PMFBP1: variants seen among roughly 807,000 people sequenced by gnomAD.
The protein encoded by PMFBP1 is polyamine-modulated factor 1-binding protein 1.
In PMFBP1, 131 loss-of-function variants were observed where a neutral mutation model predicts 137.8. The ratio of observed to expected loss-of-function variants is 0.95; its 90% CI spans 0.82 to 1.10. PMFBP1 has a LOEUF of 1.10. Ranked by LOEUF, PMFBP1 falls within the 50% of genes least tolerant of loss-of-function variation. PMFBP1 has a pLI of 0.00. For missense variants in PMFBP1, 1,199 were observed against 1,175.4 expected (o/e 1.02, Z -0.29); for synonymous variants, 490 against 450.4 (o/e 1.09, Z -1.11).
chr16:72,236,655 A>AAAAAC, the PMFBP1 span, among the ~76,000 whole-genome samples: 5 of 152,088 alleles, frequency 3.3e-5, no homozygotes, highest in African/African-American at 9.7e-5. Flanking sequence ...ACTTTGGGGG[A>AAAAAC]AAAACAAAAC....
At chr16:72,182,185 A>G in the PMFBP1 span, among the ~76,000 whole-genome samples, 3 of 152,156 alleles carry the variant, frequency 2.0e-5, no homozygotes, top group South Asian at 6.2e-4. Context: ...CAGGTATTCT[A>G]GAAGAGAGGT....
the PMFBP1 span, among the ~76,000 whole-genome samples, chr16:72,188,773 G>A: frequency 6.8e-5 from 10 of 147,692 alleles, no homozygotes; most frequent in Non-Finnish European, 1.5e-4. Flanking sequence ...CCCCACCCCC[G>A]CCAAAATACT....
rs199530779 is a variant in PMFBP1, at chr16:72,147,619, T to C, written c.636+2989A>G. ...GGATTGGGAGAAAATGTTTGCAATC[T>C]ATCCATCTGACAAAGGGCTAATATC... On this transcript the variant is annotated intron_variant, in intron 5 of 20. Coordinates refer to ENST00000237353, the MANE Select transcript of PMFBP1 (RefSeq NM_031293.3). Among the ~76,000 whole-genome samples the C allele has an allele frequency of 2.0e-5, 3 of 152,192 alleles. No homozygotes were observed. The East Asian group carries it at 5.8e-4, about 29-fold the overall frequency.
At chr16:72,198,089 T>A in the PMFBP1 span, among the ~76,000 whole-genome samples, 2 of 152,174 alleles carry the variant, frequency 1.3e-5, no homozygotes, top group African/African-American at 2.4e-5. Flanking sequence ...GCCTTTTTCA[T>A]AAATAAATAT....
At chr16:72,171,091 G>A (rs1249053511) in intron 2 of PMFBP1, 106 bp downstream of exon 2, 2 of 1,331,288 alleles carry the variant, frequency 1.5e-6, no homozygotes, top group African/African-American at 2.9e-5. Flanking sequence ...CTCTGTCCAT[G>A]ATATTTTGTG....
At chr16:72,201,300 C>T in the PMFBP1 span, among the ~76,000 whole-genome samples, 1 of 152,210 alleles carries the variant, frequency 6.6e-6, no homozygotes. Flanking sequence ...AACAATTATC[C>T]TCAGAATAAT....
At chr16:72,238,601 T>C in the PMFBP1 span, among the ~76,000 whole-genome samples, 3 of 152,206 alleles carry the variant, frequency 2.0e-5, no homozygotes, top group Non-Finnish European at 4.4e-5. Flanking sequence ...GACTTAATTA[T>C]ATATCTTGAG....
At chr16:72,224,970 T>C in the PMFBP1 span, 9 of 152,240 alleles carry the variant, frequency 5.9e-5, no homozygotes, top group Non-Finnish European at 1.2e-4. Flanking sequence ...ATTTATGTGT[T>C]TTGACACATT....
chr16:72,153,870 A>G (rs557894358), intron 4 of PMFBP1, among the ~76,000 whole-genome samples: 12 of 149,174 alleles, frequency 8.0e-5, no homozygotes, highest in Non-Finnish European at 1.6e-4. Flanking sequence ...AGAGACCTAC[A>G]GTCTTTTGCA....
the PMFBP1 span, among the ~76,000 whole-genome samples, chr16:72,201,883 C>T: frequency 1.3e-5 from 2 of 152,184 alleles, no homozygotes; most frequent in Non-Finnish European, 2.9e-5. Flanking sequence ...TCACCAAGAC[C>T]ACTTCCTCCT....
At chr16:72,219,291 C>T in the PMFBP1 span, among the ~76,000 whole-genome samples, 1 of 152,142 alleles carries the variant, frequency 6.6e-6, no homozygotes, top group Non-Finnish European at 1.5e-5. Flanking sequence ...AGACAGTGCC[C>T]TGGCACTGTG....
At chr16:72,197,960 A>G in the PMFBP1 span, among the ~76,000 whole-genome samples, 1 of 152,190 alleles carries the variant, frequency 6.6e-6, no homozygotes, top group African/African-American at 2.4e-5. Context: ...GTTTAGTGGC[A>G]ACAGCTGAGT....
upstream of PMFBP1, among the ~76,000 whole-genome samples, chr16:72,181,248 A>AT (rs1555548161): frequency 5.9e-4 from 88 of 150,224 alleles, no homozygotes; most frequent in African/African-American, 1.7e-3. Flanking sequence ...AAAAAAAAAA[A>AT]AATAATAATA....
At chr16:72,130,842 C>T in intron 10 of PMFBP1, 120 bp from the exon 11 acceptor site, 1 of 852,938 alleles carries the variant, frequency 1.2e-6, no homozygotes, top group South Asian at 1.8e-5. Flanking sequence ...CCAGTCTGTC[C>T]TCATTTCTCT....
chr16:72,187,212 G>C, the PMFBP1 span, among the ~76,000 whole-genome samples: 2 of 152,048 alleles, frequency 1.3e-5, no homozygotes, highest in African/African-American at 4.8e-5. Context: ...TAGTGGATGC[G>C]ATTTAAAATA....
At chr16:72,147,381 G>C (rs987074344) in intron 5 of PMFBP1, among the ~76,000 whole-genome samples, 2 of 152,166 alleles carry the variant, frequency 1.3e-5, no homozygotes, top group Non-Finnish European at 2.9e-5. Flanking sequence ...ACTCAAGATG[G>C]ATTAAAGACT....
At chr16:72,193,783 A>T in the PMFBP1 span, among the ~76,000 whole-genome samples, 1 of 152,000 alleles carries the variant, frequency 6.6e-6, no homozygotes, top group Non-Finnish European at 1.5e-5. Context: ...ATTGAACAAA[A>T]ATTCAAACAT....
the PMFBP1 span, among the ~76,000 whole-genome samples, chr16:72,245,953 A>T: frequency 6.6e-6 from 1 of 151,984 alleles, no homozygotes; most frequent in African/African-American, 2.4e-5. Context: ...GCTTCTCGGG[A>T]CAAAAATAAA....
At chr16:72,156,942 C>G (rs1323080963) in intron 3 of PMFBP1, among the ~76,000 whole-genome samples, 2 of 151,656 alleles carry the variant, frequency 1.3e-5, no homozygotes, top group African/African-American at 4.8e-5. Context: ...AATCCCAGCA[C>G]TTTGGGAGGC....
Sources: allele counts gnomAD v4.1 joint callset (sites outside exome capture counted in the v4.1 genomes callset), GRCh38; gene constraint gnomAD v4.1.1; transcripts MANE v1.5; gene names NCBI Gene and HGNC (gene_info 2026-07-23, HGNC 2026-07-21).